SCYL1: variants seen among roughly 807,000 people sequenced by gnomAD.
The protein encoded by SCYL1 is SCY1 like pseudokinase 1, also known as N-terminal kinase-like protein.
Under a neutral mutation model 94.8 loss-of-function variants are expected in SCYL1, and 85 were observed. That is an observed-to-expected ratio of 0.90 (90% confidence interval 0.75 to 1.07). SCYL1 has a LOEUF of 1.07. Among genes scored for constraint, SCYL1 ranks in the 50% least tolerant of loss-of-function variants. The pLI, the probability that SCYL1 is intolerant of heterozygous loss-of-function variation, is 0.00. For synonymous variants in SCYL1, 459 were observed against 435.5 expected, an observed-to-expected ratio of 1.05 and a Z score of -0.67; for missense variants, 968 against 1,083.3, an observed-to-expected ratio of 0.89 and a Z score of 1.49.
chr11:65,525,734 C>A lies in SCYL1; in HGVS notation c.252+20C>A. ...CTGGAGGTACCTGCTGCCTTGCCTG[C>A]CCGTCTCTGCCCCTCACGATGTCCT... On this transcript the variant is annotated intron_variant, in intron 2 of 17. Transcript: ENST00000270176. 6.2e-7 allele frequency: 1 copy of A among 1,611,068 alleles called. No homozygotes were observed.
chr11:65,530,676 G>C lies in SCYL1; in HGVS notation c.897G>C (p.Lys299Asn), dbSNP rs200461019. 3.0e-5 allele frequency: 49 copies of C among 1,613,950 alleles called. No individual in the cohort carries two copies. The African/African-American group carries it at 5.2e-4, about 17-fold the overall frequency. ...EKQKFFQELS[K>N]SLDAFPEDFC... ...AAAAATTCTTCCAGGAGCTGAGCAA[G>C]AGCCTGGACGCATTCCCTGAGGATT... Residue 299 changes from lysine (K) to asparagine (N), a missense_variant, in exon 7 of 18, where the codon AAG (lysine) becomes AAC (asparagine). By Grantham distance (94) the Lys-to-Asn change is moderately conservative. Around this residue, in one of 2 missense-constraint regions of SCYL1, gnomAD observed 494 missense variants for 619.7 expected, o/e 0.80. Transcript: ENST00000270176.
chr11:65,534,187 C>T lies in SCYL1; in HGVS notation c.1231-1040C>T, dbSNP rs1383333052. ...TGGAGCTTGCAGTGAGCCGATATCG[C>T]GCCACTGCACTCCAGCCTGGGCAAC... On this transcript the variant is annotated intron_variant, in intron 9 of 17. Coordinates refer to ENST00000270176, the MANE Select transcript of SCYL1 (RefSeq NM_020680.4). Among the ~76,000 whole-genome samples, 9 of 150,060 alleles carry T rather than the reference C, an allele frequency of 6.0e-5. No homozygotes were observed. The East Asian group carries it at 8.0e-4, about 13-fold the overall frequency.
Position 65,538,260 on chromosome 11 carries a change from CTCT to C in SCYL1, c.2248-8_2248-6del, listed in dbSNP as rs1565082319. ...GTGGGCCCCACTGCAGCCCACACTT[CTCT>C]TTACAGCCGAGGCCAGACTCTTGGG... On this transcript the variant is annotated splice_region_variant and splice_polypyrimidine_tract_variant and intron_variant, in intron 16 of 17. Coordinates refer to ENST00000270176, the MANE Select transcript of SCYL1 (RefSeq NM_020680.4). 6.4e-7 allele frequency: 1 copy of C among 1,553,734 alleles called. No homozygotes were observed. Among genetic ancestry groups the C allele is most frequent in the Non-Finnish European group, 8.7e-7 (1 of 1,148,192 alleles).
At chr11:65,537,353 A>T (rs1855722664) in intron 14 of SCYL1, among the ~76,000 whole-genome samples, 1 of 152,166 alleles carries the variant, frequency 6.6e-6, no homozygotes, top group African/African-American at 2.4e-5. Context: ...TGCCTGGGGC[A>T]TTCCCTGAAC....
Position 65,536,336 on chromosome 11 carries a change from T to C in SCYL1, c.1651+2T>C. 2 of 1,613,962 alleles carry C rather than the reference T, an allele frequency of 1.2e-6. No homozygotes were observed. The highest frequency in any genetic ancestry group is 8.5e-7 in the Non-Finnish European group (1 of 1,179,828). On this transcript the variant is annotated splice_donor_variant, in intron 12 of 17. Coordinates refer to ENST00000270176, the MANE Select transcript of SCYL1 (RefSeq NM_020680.4). LOFTEE classifies it high-confidence loss of function. Reference sequence around the variant, plus strand: ...ACCCGACCCAGCTGGAGGAAGTGGGTGAGTGGCTTACACTCGTGTTCCCTC... The same window carrying C: ...ACCCGACCCAGCTGGAGGAAGTGGGCGAGTGGCTTACACTCGTGTTCCCTC...
chr11:65,531,308 G>A (rs1392914468), intron 7 of SCYL1, among the ~76,000 whole-genome samples: 1 of 152,136 alleles, frequency 6.6e-6, no homozygotes, highest in Non-Finnish European at 1.5e-5. Context: ...GAAATTGCAG[G>A]CAGAATTTCT....
At position 65,538,575 on chromosome 11, in the gene SCYL1, G is replaced by T. The variant is rs764688086; in HGVS notation, c.*9G>T. 6.2e-7 allele frequency: 1 copy of T among 1,607,692 alleles called. No individual in the cohort carries two copies. The highest frequency in any genetic ancestry group is 8.5e-7 in the Non-Finnish European group (1 of 1,177,148). ...CCCGGAAGCTGGACTGAACCGTGGC[G>T]GTGGCCCTTCCCGGCTGCGGAGAGC... On this transcript the variant is annotated 3_prime_UTR_variant, in exon 18 of 18. Transcript: ENST00000270176.
At chr11:65,536,835 G>A (rs570618566) in intron 13 of SCYL1, 85 bp downstream of exon 13, 22 of 1,463,256 alleles carry the variant, frequency 1.5e-5, no homozygotes, top group Admixed American at 1.3e-4. Context: ...TGACTCCCCC[G>A]GGGATGGTGA....
chr11:65,525,981 G>A lies in SCYL1; in HGVS notation c.313G>A (p.Ala105Thr), dbSNP rs753980779. Residue 105 changes from alanine to threonine, a missense_variant, in exon 3 of 18, where the codon GCG (alanine) becomes ACG (threonine). Ala to Thr is a moderately conservative substitution (Grantham distance 58). This residue lies in a region of SCYL1 where 494 missense variants were observed against 619.7 expected (regional missense o/e 0.80). Transcript: ENST00000270176. ...GACCCCGTTGGGAATATACCTCAAG[G>A]CGAGAGTGGAGGCTGGTGGCCTGAA... ...AVTPLGIYLK[A>T]RVEAGGLKEL... 6 of 1,613,442 alleles carry A rather than the reference G, an allele frequency of 3.7e-6. No homozygotes were observed. The East Asian group carries it at 1.1e-4, about 30-fold the overall frequency.
At chr11:65,535,658 G>A (rs1855598592) in intron 10 of SCYL1, 1 of 589,324 alleles carries the variant, frequency 1.7e-6, no homozygotes, top group African/African-American at 1.9e-5. Flanking sequence ...GCCGTGCCCA[G>A]ACAGTTAACA....
rs750179257 is a variant in SCYL1 at position 65,531,576 on chromosome 11, G to A, written c.1009G>A (p.Val337Met). 6.2e-7 allele frequency: 1 copy of A among 1,612,018 alleles called. No homozygotes were observed. Among genetic ancestry groups the A allele is most frequent in the Non-Finnish European group, 8.5e-7 (1 of 1,178,152 alleles). Reference protein sequence around the residue: ...GAVVLTPLFKVGKFLSAEEYQ... With the variant: ...GAVVLTPLFKMGKFLSAEEYQ... ...TGAACCCATCTTCCTGCCCTTTCAG[G>A]TGGGCAAGTTCCTGAGCGCTGAGGA... The change falls in exon 8 of 18, where the codon GTG (valine) becomes ATG (methionine). Residue 337 changes from valine (V) to methionine (M), a missense_variant and splice_region_variant. Transcript: ENST00000270176.
rs767193601 is a variant in SCYL1, at chr11:65,536,352, G to C, written c.1651+18G>C. Reference sequence around the variant, plus strand: ...GGAAGTGGGTGAGTGGCTTACACTCGTGTTCCCTCTTTCCCTGCCATGTCC... The same window carrying C: ...GGAAGTGGGTGAGTGGCTTACACTCCTGTTCCCTCTTTCCCTGCCATGTCC... On this transcript the variant is annotated intron_variant, in intron 12 of 17. Transcript: ENST00000270176. The C allele has an allele frequency of 3.7e-6, 6 of 1,611,500 alleles. No individual in the cohort carries two copies. In the Admixed American group the frequency reaches 6.7e-5, roughly 18 times the overall value.
chr11:65,533,154 G>T, intron 9 of SCYL1: 1 of 265,988 alleles, frequency 3.8e-6, no homozygotes, highest in Non-Finnish European at 7.6e-6. Flanking sequence ...GGTCACGGTG[G>T]CTCACGCCCA....
intron 6 of SCYL1, 44 bp from the exon 7 acceptor site, chr11:65,530,585 A>C: frequency 6.3e-7 from 1 of 1,585,444 alleles, no homozygotes. Context: ...TTTGGGCTGC[A>C]ACCAGGCTGA....
chr11:65,529,103 G>A (rs1387979470), intron 6 of SCYL1, among the ~76,000 whole-genome samples: 5 of 152,210 alleles, frequency 3.3e-5, no homozygotes, highest in African/African-American at 1.2e-4. Context: ...GACAGCGGGG[G>A]CTGAGAATCA....
At chr11:65,525,743 G>A in intron 2 of SCYL1, 29 bp downstream of exon 2, 1 of 1,610,522 alleles carries the variant, frequency 6.2e-7, no homozygotes, top group East Asian at 2.2e-5. Context: ...GCCCGTCTCT[G>A]CCCCTCACGA....
intron 9 of SCYL1, among the ~76,000 whole-genome samples, chr11:65,533,871 C>T (rs1454358955): frequency 6.6e-6 from 1 of 151,888 alleles, no homozygotes; most frequent in Non-Finnish European, 1.5e-5. Flanking sequence ...TCACCTGAGG[C>T]GATGGGAGTT....
intron 6 of SCYL1, among the ~76,000 whole-genome samples, chr11:65,529,347 TCTC>T (rs1470314937): frequency 6.6e-6 from 1 of 152,108 alleles, no homozygotes; most frequent in East Asian, 1.9e-4. Context: ...AAGCTACCCT[TCTC>T]CTTAAAGTGT....
In SCYL1 at chr11:65,535,816, C is replaced by T. The variant is rs987509237; in HGVS notation, c.1387-137C>T. ...GGTCCAGAGTTTTAGGTCAACTCTC[C>T]CCATTTAAGTGATTCATTCATATTT... is the stretch of plus-strand genomic sequence containing the variant. On this transcript the variant is annotated intron_variant, in intron 10 of 17. Transcript: ENST00000270176. The T allele has an allele frequency of 4.7e-6, 4 of 855,664 alleles. No homozygotes were observed. The Admixed American group carries it at 8.7e-5, about 19-fold the overall frequency. The allele number at this position is 855,664 out of a possible 1,614,324, so 53.0% of individuals were successfully genotyped here.
Sources: gnomAD v4.1 joint callset for allele counts (sites outside exome capture counted in the v4.1 genomes callset) on GRCh38, gnomAD v4.1.1 for gene constraint, gnomAD v4.1.1 regional missense constraint, MANE v1.5 for transcripts, NCBI Gene and HGNC (gene_info 2026-07-23, HGNC 2026-07-21) for gene names.